The following RAD51B variants were observed in gnomAD, a reference collection of about 807,000 sequenced individuals.
The protein encoded by RAD51B is RAD51 paralog B.
In RAD51B, 38 loss-of-function variants were observed where a neutral mutation model predicts 42.2. That is an observed-to-expected ratio of 0.90 (90% CI 0.70 to 1.18). RAD51B has a LOEUF of 1.18. Among genes scored for constraint, RAD51B ranks in the 50% most tolerant of loss-of-function variants. RAD51B has a pLI of 0.00. For synonymous variants in RAD51B, 154 were observed against 145.2 expected, an observed-to-expected ratio of 1.06 and a Z score of -0.43; for missense variants, 373 against 400.7, an observed-to-expected ratio of 0.93 and a Z score of 0.59.
chr14:68,279,043 G>T (rs2081274635), intron 7 of RAD51B, among the ~76,000 whole-genome samples: 1 of 151,826 alleles, frequency 6.6e-6, no homozygotes, highest in Non-Finnish European at 1.5e-5. Flanking sequence ...TTCCTCTGCT[G>T]GTTACTGATT....
At chr14:67,944,054 C>T (rs960959963) in intron 7 of RAD51B, among the ~76,000 whole-genome samples, 12 of 151,902 alleles carry the variant, frequency 7.9e-5, no homozygotes, top group Non-Finnish European at 1.2e-4. Flanking sequence ...CAGTAGATGG[C>T]GCTGTAGGAC....
At chr14:68,630,370 C>G (rs758167210) in intron 10 of RAD51B, among the ~76,000 whole-genome samples, 1 of 151,988 alleles carries the variant, frequency 6.6e-6, no homozygotes, top group Non-Finnish European at 1.5e-5. Flanking sequence ...GCTCTTTCTC[C>G]CCCACTAGTC....
chr14:67,862,350 C>G (rs530761537), intron 4 of RAD51B, among the ~76,000 whole-genome samples: 27 of 151,548 alleles, frequency 1.8e-4, no homozygotes, highest in Non-Finnish European at 3.8e-4. Context: ...ATTCATCAAA[C>G]TGCTCAGATG....
At chr14:68,372,234 G>A (rs1302979391) in intron 8 of RAD51B, among the ~76,000 whole-genome samples, 2 of 152,172 alleles carry the variant, frequency 1.3e-5, no homozygotes, top group Non-Finnish European at 2.9e-5. Context: ...AGAGTGTAGG[G>A]GACATAAGCC....
chr14:67,946,579 G>A (rs2045401886), intron 7 of RAD51B, among the ~76,000 whole-genome samples: 1 of 152,216 alleles, frequency 6.6e-6, no homozygotes, highest in Non-Finnish European at 1.5e-5. Context: ...TCTTGGCCAG[G>A]CTGGTCTTGA....
At chr14:68,626,385 A>G (rs1230607540) in intron 10 of RAD51B, among the ~76,000 whole-genome samples, 1 of 152,224 alleles carries the variant, frequency 6.6e-6, no homozygotes, top group Non-Finnish European at 1.5e-5. Flanking sequence ...CTACTGCTAC[A>G]CAACAGACAC....
chr14:68,122,243 C>G (rs970626612), intron 7 of RAD51B, among the ~76,000 whole-genome samples: 2 of 151,942 alleles, frequency 1.3e-5, no homozygotes, highest in Non-Finnish European at 2.9e-5. Flanking sequence ...TACTAAAAAA[C>G]AAAGTTTATG....
chr14:68,092,619 T>C (rs144403523), intron 7 of RAD51B, among the ~76,000 whole-genome samples: 25,980 of 152,166 alleles, frequency 0.17, 2,415 homozygotes, highest in Middle Eastern at 0.34. Flanking sequence ...TGGGGTTTTC[T>C]AGATATACAA....
chr14:68,466,651 G>C (rs1376883924), intron 9 of RAD51B, among the ~76,000 whole-genome samples: 1 of 152,238 alleles, frequency 6.6e-6, no homozygotes, highest in East Asian at 1.9e-4. Context: ...GAGCGAAAGA[G>C]AAAGTGGAGG....
intron 7 of RAD51B, among the ~76,000 whole-genome samples, chr14:67,945,754 A>T (rs2045370606): frequency 6.6e-6 from 1 of 152,148 alleles, no homozygotes; most frequent in African/African-American, 2.4e-5. Context: ...TACAGGCATG[A>T]GCTACCATGC....
At chr14:68,324,824 AG>A (rs1467831637) in intron 8 of RAD51B, among the ~76,000 whole-genome samples, 10 of 152,142 alleles carry the variant, frequency 6.6e-5, no homozygotes, top group Admixed American at 6.5e-4. Context: ...TTACTTCGGT[AG>A]TGCTGATGCT....
intron 9 of RAD51B, 112 bp from the exon 10 acceptor site, chr14:68,468,060 C>G: frequency 1.1e-6 from 1 of 882,228 alleles, no homozygotes. Flanking sequence ...TTAAATAAGC[C>G]TTGTGACTTA....
intron 7 of RAD51B, among the ~76,000 whole-genome samples, chr14:67,978,003 C>G (rs1471502608): frequency 2.0e-5 from 3 of 152,008 alleles, no homozygotes; most frequent in Non-Finnish European, 4.4e-5. Context: ...CTTATTTTCC[C>G]CCTAAAGCCA....
At chr14:68,071,472 T>C (rs2076738795) in intron 7 of RAD51B, among the ~76,000 whole-genome samples, 1 of 152,154 alleles carries the variant, frequency 6.6e-6, no homozygotes, top group Admixed American at 6.6e-5. Context: ...CACAAAAGGA[T>C]GTTGAGTTTT....
intron 7 of RAD51B, among the ~76,000 whole-genome samples, chr14:68,168,546 A>G (rs756502447): frequency 1.8e-4 from 27 of 152,156 alleles, no homozygotes; most frequent in Non-Finnish European, 5.9e-5. Context: ...TGAAAATCTA[A>G]TCATATCATC....
intron 7 of RAD51B, among the ~76,000 whole-genome samples, chr14:68,007,989 G>A (rs1310940150): frequency 2.0e-5 from 3 of 151,842 alleles, no homozygotes; most frequent in African/African-American, 7.2e-5. Context: ...TTAAAAATAT[G>A]ATTTTTTTTG....
intron 4 of RAD51B, among the ~76,000 whole-genome samples, chr14:67,859,915 G>A (rs1299388482): frequency 2.0e-5 from 3 of 152,062 alleles, no homozygotes; most frequent in Non-Finnish European, 4.4e-5. Context: ...CCACCTCCCA[G>A]GTTCGTGCGA....
chr14:68,335,420 A>G (rs2082435869), intron 8 of RAD51B, among the ~76,000 whole-genome samples: 1 of 152,120 alleles, frequency 6.6e-6, no homozygotes, highest in Admixed American at 6.5e-5. Context: ...TCAGTTGATT[A>G]GTACAATCAG....
intron 10 of RAD51B, among the ~76,000 whole-genome samples, chr14:68,641,657 G>C (rs1892464303): frequency 6.6e-6 from 1 of 151,518 alleles, no homozygotes; most frequent in African/African-American, 2.4e-5. Context: ...ATCATGAATG[G>C]GTGTTGGATT....
Sources: allele counts gnomAD v4.1 joint callset (sites outside exome capture counted in the v4.1 genomes callset), GRCh38; gene constraint gnomAD v4.1.1; transcripts MANE v1.5; gene names NCBI Gene and HGNC (gene_info 2026-07-23, HGNC 2026-07-21).